Variants in MTM1 observed in about 807,000 individuals in gnomAD.
MTM1 encodes myotubularin.
A neutral mutation model predicts 52.1 loss-of-function variants in MTM1; 9 were observed. The ratio of observed to expected loss-of-function variants is 0.17; its 90% CI spans 0.10 to 0.30. MTM1 has a LOEUF of 0.30. Among genes scored for constraint, MTM1 ranks in the 10% least tolerant of loss-of-function variants. The pLI, the probability that MTM1 is intolerant of heterozygous loss-of-function variation, is 1.00. For synonymous variants in MTM1, 136 were observed against 163.8 expected (o/e 0.83, Z 1.29); for missense variants, 277 against 470.7 (o/e 0.59, Z 3.81).
intron 1 of MTM1, among the ~76,000 whole-genome samples, chrX:150,587,743 T>C (rs367655868): frequency 8.9e-6 from 1 of 111,880 alleles, no homozygotes; most frequent in Non-Finnish European, 1.9e-5. Flanking sequence ...ATCCTGTGTT[T>C]ACTGGCACTC....
chrX:150,643,979 TA>T (rs1557413906), intron 8 of MTM1, among the ~76,000 whole-genome samples: 1 of 110,636 alleles, frequency 9.0e-6, no homozygotes, highest in African/African-American at 3.3e-5. Context: ...GCAAAGAAAT[TA>T]AGAGGAGAAA....
At chrX:150,656,198 A>T (rs1557414409) in intron 10 of MTM1, among the ~76,000 whole-genome samples, 2 of 111,058 alleles carry the variant, frequency 1.8e-5, no homozygotes. Context: ...TGAAGTCCTG[A>T]CCCCCTGTAC....
At chrX:150,649,689 T>C in intron 9 of MTM1, 27 bp from the exon 10 acceptor site, 1 of 1,158,300 alleles carries the variant, frequency 8.6e-7, no homozygotes, top group Admixed American at 2.2e-5. Context: ...ACTCAACTGA[T>C]TGTTTGTATT....
chrX:150,582,258 T>G (rs782391747), intron 1 of MTM1, among the ~76,000 whole-genome samples: 1 of 111,618 alleles, frequency 9.0e-6, no homozygotes, highest in Non-Finnish European at 1.9e-5. Flanking sequence ...ATGACTGGCT[T>G]GTTGTCATTT....
intron 4 of MTM1, 70 bp from the exon 5 acceptor site, chrX:150,614,519 T>G: frequency 1.5e-6 from 1 of 647,072 alleles, no homozygotes; most frequent in Non-Finnish European, 2.5e-6. Flanking sequence ...ATATGGTTGT[T>G]TTTATATGTT....
In MTM1 at chrX:150,596,505, G is replaced by A. The variant is rs1381506126; in HGVS notation, c.71G>A (p.Arg24Gln). Residue 24 changes from arginine (R) to glutamine (Q), a missense_variant, in exon 3 of 15, where the codon CGA becomes CAA. This residue lies in a region of MTM1 where 164 missense variants were observed against 283.3 expected (regional missense o/e 0.58). Transcript: ENST00000370396. Reference protein sequence around the residue: ...LENESIKRTSRDGVNRDLTEA... With the variant: ...LENESIKRTSQDGVNRDLTEA... ...CATCTGTTTTGTTTCTAGACGTCTCGAGATGGAGTCAATCGAGATCTCACT... is the reference window on the plus strand; with the variant it reads ...CATCTGTTTTGTTTCTAGACGTCTCAAGATGGAGTCAATCGAGATCTCACT... 4.1e-6 allele frequency: 5 copies of A among 1,206,292 alleles called. No individual in the cohort carries two copies. The highest frequency in any genetic ancestry group is 3.0e-5 in the East Asian group (1 of 33,751).
chrX:150,572,711 C>T (rs923679933), intron 1 of MTM1, among the ~76,000 whole-genome samples: 11 of 112,338 alleles, frequency 9.8e-5, no homozygotes, highest in Admixed American at 4.7e-4. Flanking sequence ...CCATACTAGA[C>T]TGGATGCTTG....
At chrX:150,571,111 C>T (rs1285960990) in intron 1 of MTM1, among the ~76,000 whole-genome samples, 1 of 112,019 alleles carries the variant, frequency 8.9e-6, no homozygotes, top group African/African-American at 3.2e-5. Flanking sequence ...TGGAGACTCT[C>T]AACGATTAAT....
chrX:150,590,949 A>G lies in MTM1; in HGVS notation c.-10-1656A>G. The stretch of plus-strand genomic sequence containing the variant: ...CTTGTTTTGTCAATAGAAAAATTTC[A>G]GAGCAGATACATCTGACTTGCTCCA... On this transcript the variant is annotated intron_variant, in intron 1 of 14. Coordinates refer to ENST00000370396, the MANE Select transcript of MTM1 (RefSeq NM_000252.3). 6 of 561,752 alleles carry G rather than the reference A, an allele frequency of 1.1e-5. No homozygotes were observed. The South Asian group carries it at 5.4e-4, about 51-fold the overall frequency. 46.3% of individuals were successfully genotyped at this position (561,752 alleles called of 1,213,427 possible). A position where few individuals can be genotyped will look rare whatever the true frequency, so the allele number is the denominator to read the frequency against.
At chrX:150,606,736 T>G (rs1557412831) in intron 4 of MTM1, among the ~76,000 whole-genome samples, 1 of 110,975 alleles carries the variant, frequency 9.0e-6, no homozygotes, top group East Asian at 2.8e-4. Context: ...GTCTTACATT[T>G]TTGGTTTTCA....
upstream of MTM1, among the ~76,000 whole-genome samples, chrX:150,566,028 A>G (rs1426041800): frequency 9.0e-6 from 1 of 110,536 alleles, no homozygotes; most frequent in Non-Finnish European, 1.9e-5. Flanking sequence ...ACACACACAC[A>G]CACACTGAAA....
At chrX:150,592,991 G>A (rs1442565238) in intron 2 of MTM1, among the ~76,000 whole-genome samples, 1 of 110,752 alleles carries the variant, frequency 9.0e-6, no homozygotes, top group African/African-American at 3.3e-5. Context: ...TTACAGGCGT[G>A]TGCTACCACA....
intron 4 of MTM1, among the ~76,000 whole-genome samples, chrX:150,611,886 C>A (rs2039286201): frequency 1.8e-5 from 2 of 112,213 alleles, no homozygotes; most frequent in Non-Finnish European, 3.8e-5. Context: ...TCATATAATA[C>A]CTTACCTTTT....
At chrX:150,595,794 G>A (rs1356431495) in intron 2 of MTM1, among the ~76,000 whole-genome samples, 3 of 112,449 alleles carry the variant, frequency 2.7e-5, no homozygotes, top group African/African-American at 9.7e-5. Context: ...CCACCTAGCA[G>A]AGCTGTGGAA....
chrX:150,619,968 C>A (rs1255414369), intron 6 of MTM1, among the ~76,000 whole-genome samples: 5 of 111,912 alleles, frequency 4.5e-5, no homozygotes, highest in African/African-American at 1.6e-4. Context: ...AAATGTAATG[C>A]TTGGGAACAA....
At chrX:150,666,540 A>C (rs1462376800) in intron 14 of MTM1, among the ~76,000 whole-genome samples, 2 of 112,088 alleles carry the variant, frequency 1.8e-5, no homozygotes, top group African/African-American at 3.2e-5. Context: ...AAATAGCCAC[A>C]GTTTTGGAGG....
intron 8 of MTM1, 59 bp from the exon 9 acceptor site, chrX:150,645,624 T>C (rs1557413951): frequency 9.3e-7 from 1 of 1,072,351 alleles, no homozygotes; most frequent in Admixed American, 2.2e-5. Context: ...TTTACAGTTT[T>C]AATTGTTTGC....
intron 9 of MTM1, among the ~76,000 whole-genome samples, chrX:150,646,451 T>G (rs2039933329): frequency 8.8e-6 from 1 of 113,008 alleles, no homozygotes. Flanking sequence ...GCACTTAAAA[T>G]TGATTAGGGT....
At chrX:150,583,702 ATATATAAATTATATATAT>A (rs2038699454) in intron 1 of MTM1, among the ~76,000 whole-genome samples, 1 of 43,887 alleles carries the variant, frequency 2.3e-5, no homozygotes, top group South Asian at 2.9e-3. Flanking sequence ...TTATTTATAA[ATATATAAATTATATATAT>A]TATATAAATT....
Sources: gnomAD v4.1 joint callset for allele counts (sites outside exome capture counted in the v4.1 genomes callset) on GRCh38, gnomAD v4.1.1 for gene constraint, gnomAD v4.1.1 regional missense constraint, MANE v1.5 for transcripts, NCBI Gene and HGNC (gene_info 2026-07-23, HGNC 2026-07-21) for gene names.